PAX1: variants seen among roughly 807,000 people sequenced by gnomAD.
PAX1 encodes the protein paired box 1.
PAX1 carries 18 observed loss-of-function variants against 35.6 expected under a neutral mutation model. The observed-to-expected ratio is 0.50, with a 90% CI of 0.35 to 0.75. The LOEUF (loss-of-function observed/expected upper bound fraction) is 0.75. Ranked by LOEUF, PAX1 falls within the 30% of genes least tolerant of loss-of-function variation. The pLI is 0.01. For missense variants in PAX1, 760 were observed against 661.5 expected, an observed-to-expected ratio of 1.15 and a Z score of -1.63; for synonymous variants, 397 against 305.2, an observed-to-expected ratio of 1.30 and a Z score of -3.14.
intron 4 of PAX1, among the ~76,000 whole-genome samples, chr20:21,712,246 T>C (rs17861043): frequency 0.047 from 7,160 of 152,340 alleles, 346 homozygotes; most frequent in East Asian, 0.28. Context: ...TTGTGTTATT[T>C]AATACTATAA....
In PAX1 at chr20:21,706,011, C is replaced by G; in HGVS notation, c.286+13C>G. On this transcript the variant is annotated intron_variant, in intron 1 of 4. Coordinates refer to ENST00000613128, the MANE Select transcript of PAX1 (RefSeq NM_001257096.2). This position sits in a 1 kb window ranked among gnomAD's most constrained non-coding sequence, Gnocchi z 5.3. ...CCGCTCGCTATGGGTAAGGGGCGGG[C>G]GACAGGCAGGGCTCGGGAGGGCTGA... 5 of 1,464,754 alleles carry G rather than the reference C, an allele frequency of 3.4e-6. No homozygotes were observed. The highest frequency in any genetic ancestry group is 3.6e-6 in the Non-Finnish European group (4 of 1,116,948). The allele number at this position is 1,464,754 out of a possible 1,614,324, so 90.7% of individuals were successfully genotyped here.
In PAX1 at chr20:21,706,414, C is replaced by T. The variant is rs139161155; in HGVS notation, c.287-24C>T. The T allele has an allele frequency of 4.4e-5, 71 of 1,610,526 alleles. 1 individual carries two copies. In the East Asian group the frequency reaches 1.5e-3, roughly 35 times the overall value. The stretch of plus-strand genomic sequence containing the variant: ...CCGGGTGTTTTCTCCCCCTCCGGCT[C>T]ACTCTTGTCTGGCGCATCCGCAGAG... On this transcript the variant is annotated intron_variant, in intron 1 of 4. Transcript: ENST00000613128. This position sits in a 1 kb window ranked among gnomAD's most constrained non-coding sequence, Gnocchi z 5.3.
chr20:21,716,506 C>CTTTTTTTTTTTTTTT lies in PAX1; in HGVS notation c.*1949_*1963dup, dbSNP rs72279045. On this transcript the variant is annotated 3_prime_UTR_variant, in exon 5 of 5. Transcript: ENST00000613128. ...TCTTCTCAGATTCAAAGTCTCTTGT[C>CTTTTTTTTTTTTTTT]TTTTTTTTTTTTTTTTTTTAAAGTT... 1 of 120,026 alleles carries CTTTTTTTTTTTTTTT rather than the reference C, an allele frequency of 8.3e-6. No homozygotes were observed. The highest frequency in any genetic ancestry group is 1.8e-5 in the Non-Finnish European group (1 of 54,142). 7.4% of individuals were successfully genotyped at this position (120,026 alleles called of 1,614,324 possible).
chr20:21,710,096 TG>T (rs1261650256), intron 4 of PAX1, among the ~76,000 whole-genome samples: 3 of 4,976 alleles, frequency 6.0e-4, no homozygotes, highest in East Asian at 0.015. Flanking sequence ...GGTGGGCGGG[TG>T]GGGGGGTTCT....
Position 21,706,864 on chromosome 20 carries a change from AGCAGCCGCCGTC to A in PAX1, c.720_731del (p.Pro241_Pro244del). 1 of 1,613,300 alleles carries A rather than the reference AGCAGCCGCCGTC, an allele frequency of 6.2e-7. No individual in the cohort carries two copies. The highest frequency in any genetic ancestry group is 2.2e-5 in the East Asian group (1 of 44,870). ...CAGCCCGGACCGTACGAGGCAAGTA[AGCAGCCGCCGTC>A]GCAGCCTACGCTGCCCTACAACCAC... On this transcript the variant is annotated inframe_deletion, in exon 2 of 5. Coordinates refer to ENST00000613128, the MANE Select transcript of PAX1 (RefSeq NM_001257096.2). This position sits in a 1 kb window ranked among gnomAD's most constrained non-coding sequence, Gnocchi z 5.3.
At chr20:21,713,381 T>TG (rs745673697) in intron 4 of PAX1, among the ~76,000 whole-genome samples, 6,898 of 148,430 alleles carry the variant, frequency 0.046, 192 homozygotes, top group Admixed American at 0.089. Context: ...TTCTTTTTTT[T>TG]TTGTGTGTGT....
intron 3 of PAX1, 44 bp from the exon 4 acceptor site, chr20:21,709,178 A>C: frequency 7.0e-7 from 1 of 1,437,300 alleles, no homozygotes; most frequent in South Asian, 1.1e-5. Context: ...GGGCTAGAGA[A>C]GGCAGGATTT....
At chr20:21,712,326 T>C (rs567087900) in intron 4 of PAX1, among the ~76,000 whole-genome samples, 1 of 152,334 alleles carries the variant, frequency 6.6e-6, no homozygotes, top group African/African-American at 2.4e-5. Flanking sequence ...AAAAGCATGA[T>C]TTACATTTCC....
Position 21,716,141 on chromosome 20 carries a change from A to T in PAX1, c.*1579A>T, listed in dbSNP as rs1600330945. The T allele has an allele frequency of 6.6e-6, 1 of 152,220 alleles. No individual in the cohort carries two copies. The highest frequency in any genetic ancestry group is 6.5e-5 in the Admixed American group (1 of 15,288). 9.4% of individuals were successfully genotyped at this position (152,220 alleles called of 1,614,324 possible). A position where few individuals can be genotyped will look rare whatever the true frequency, so the allele number is the denominator to read the frequency against. ...ATTCTGAAAAGAGTAAAATGGGCAAAAGGCAATGAGCCAGAATGGAGGATT... is the reference window on the plus strand; with the variant it reads ...ATTCTGAAAAGAGTAAAATGGGCAATAGGCAATGAGCCAGAATGGAGGATT... On this transcript the variant is annotated 3_prime_UTR_variant, in exon 5 of 5. Coordinates refer to ENST00000613128, the MANE Select transcript of PAX1 (RefSeq NM_001257096.2).
Position 21,706,118 on chromosome 20 carries a change from G to A in PAX1, c.286+120G>A, listed in dbSNP as rs1194406633. ...CCCAGTCCTGGGTCCTGGAGAAGCT[G>A]CATTCTCCTCTGATCCCCAGCCTTC... On this transcript the variant is annotated intron_variant, in intron 1 of 4. Coordinates refer to ENST00000613128, the MANE Select transcript of PAX1 (RefSeq NM_001257096.2). This position sits in a 1 kb window ranked among gnomAD's most constrained non-coding sequence, Gnocchi z 5.3. 1 of 880,772 alleles carries A rather than the reference G, an allele frequency of 1.1e-6. No homozygotes were observed. The highest frequency in any genetic ancestry group is 1.8e-6 in the Non-Finnish European group (1 of 564,212). 54.6% of individuals were successfully genotyped at this position (880,772 alleles called of 1,614,324 possible).
intron 4 of PAX1, among the ~76,000 whole-genome samples, chr20:21,711,024 C>G (rs565120614): frequency 1.3e-5 from 2 of 152,290 alleles, no homozygotes; most frequent in South Asian, 2.1e-4. Context: ...CGCAGATGAG[C>G]GCTTCACTCA....
Position 21,706,329 on chromosome 20 carries a change from C to A in PAX1, c.287-109C>A, listed in dbSNP as rs943962863. Reference sequence around the variant, plus strand: ...GAGCTGTCTGGGGACCCACAGGTCACCTTTGGAAGTGCGCCTGGGTGCAGT... The same window carrying A: ...GAGCTGTCTGGGGACCCACAGGTCAACTTTGGAAGTGCGCCTGGGTGCAGT... On this transcript the variant is annotated intron_variant, in intron 1 of 4. Transcript: ENST00000613128. This position sits in a 1 kb window ranked among gnomAD's most constrained non-coding sequence, Gnocchi z 5.3. The A allele has an allele frequency of 1.4e-6, 2 of 1,445,856 alleles. No homozygotes were observed. Among genetic ancestry groups the A allele is most frequent in the Non-Finnish European group, 1.9e-6 (2 of 1,040,972 alleles). 89.6% of individuals were successfully genotyped at this position (1,445,856 alleles called of 1,614,324 possible).
At position 21,708,648 on chromosome 20, in the gene PAX1, C is replaced by A. The variant is rs1300097376; in HGVS notation, c.1007C>A (p.Ala336Glu). Reference protein sequence around the residue: ...VNRTAFPATPAVNGLEKPALE... With the variant: ...VNRTAFPATPEVNGLEKPALE... The stretch of plus-strand genomic sequence containing the variant: ...CGCACGGCCTTCCCCGCCACCCCCG[C>A]AGTGAATGGGCTAGAGAAACCTGCC... Residue 336 changes from alanine (A) to glutamate (E), a missense_variant, in exon 3 of 5, where the codon GCA becomes GAA. Ala to Glu is a moderately radical substitution (Grantham distance 107). Coordinates refer to ENST00000613128, the MANE Select transcript of PAX1 (RefSeq NM_001257096.2). 1 of 1,613,634 alleles carries A rather than the reference C, an allele frequency of 6.2e-7. No homozygotes were observed. Among genetic ancestry groups the A allele is most frequent in the Non-Finnish European group, 8.5e-7 (1 of 1,180,010 alleles).
Position 21,711,215 on chromosome 20 carries a change from A to G in PAX1, c.1282+1771A>G, listed in dbSNP as rs543248875. ...TTCATCTTAAGGAGAAGGAAGACTTAGAAAAAAGACCCACAGTCTTCAGAG... is the reference window on the plus strand; with the variant it reads ...TTCATCTTAAGGAGAAGGAAGACTTGGAAAAAAGACCCACAGTCTTCAGAG... On this transcript the variant is annotated intron_variant, in intron 4 of 4. Coordinates refer to ENST00000613128, the MANE Select transcript of PAX1 (RefSeq NM_001257096.2). Among the ~76,000 whole-genome samples, 10 of 152,378 alleles carry G rather than the reference A, an allele frequency of 6.6e-5. No homozygotes were observed. The South Asian group carries it at 1.7e-3, about 25-fold the overall frequency.
Position 21,715,032 on chromosome 20 carries a change from C to G in PAX1, c.*470C>G. The G allele has an allele frequency of 1.6e-6, 1 of 617,074 alleles. No individual in the cohort carries two copies. The highest frequency in any genetic ancestry group is 1.9e-5 in the South Asian group (1 of 51,404). 38.2% of individuals were successfully genotyped at this position (617,074 alleles called of 1,614,324 possible). A position where few individuals can be genotyped will look rare whatever the true frequency, so the allele number is the denominator to read the frequency against. ...CCAGGGCTCCCTCTGCCCTTCCACT[C>G]TCTTTTCCTTGCTCCGACCTCTGCT... On this transcript the variant is annotated 3_prime_UTR_variant, in exon 5 of 5. Coordinates refer to ENST00000613128, the MANE Select transcript of PAX1 (RefSeq NM_001257096.2).
rs1288338972 is a variant in PAX1 at position 21,705,981 on chromosome 20, C to T, written c.269C>T (p.Ala90Val). 5 of 1,483,668 alleles carry T rather than the reference C, an allele frequency of 3.4e-6. No homozygotes were observed. In the South Asian group the frequency reaches 4.0e-5, roughly 12 times the overall value. 91.9% of individuals were successfully genotyped at this position (1,483,668 alleles called of 1,614,324 possible). ...GGCCACCCCGGCGCCAGGCAGCTGG[C>T]CGGCCCGCTCGCTATGGGTAAGGGG... ...HPGHPGARQL[A>V]GPLAMEQTYG... Residue 90 changes from alanine to valine, a missense_variant, in exon 1 of 5, where the codon GCC (alanine) becomes GTC (valine). Transcript: ENST00000613128.
chr20:21,710,652 A>G (rs963918821), intron 4 of PAX1, among the ~76,000 whole-genome samples: 1 of 118,994 alleles, frequency 8.4e-6, no homozygotes, highest in East Asian at 2.9e-4. Context: ...GCTATTTCCA[A>G]GTAGTCTTGA....
At position 21,706,849 on chromosome 20, in the gene PAX1, C is replaced by A. The variant is rs1254928678; in HGVS notation, c.698C>A (p.Pro233Gln). 2 of 1,613,372 alleles carry A rather than the reference C, an allele frequency of 1.2e-6. No individual in the cohort carries two copies. Among genetic ancestry groups the A allele is most frequent in the Non-Finnish European group, 1.7e-6 (2 of 1,180,018 alleles). Residue 233 changes from proline (P) to glutamine (Q), a missense_variant, in exon 2 of 5, where the codon CCG becomes CAG. Pro to Gln is a moderately conservative substitution (Grantham distance 76). Around this residue, in one of 3 missense-constraint regions of PAX1, gnomAD observed 490 missense variants for 428.4 expected, o/e 1.14. Transcript: ENST00000613128. The surrounding 1 kb of genome is among the most constrained non-coding windows in gnomAD (Gnocchi z 5.3). Reference sequence around the variant, plus strand: ...ATCGGCAGCCTGGCGCAGCCCGGACCGTACGAGGCAAGTAAGCAGCCGCCG... The same window carrying A: ...ATCGGCAGCCTGGCGCAGCCCGGACAGTACGAGGCAAGTAAGCAGCCGCCG... Reference protein sequence around the residue: ...NKIGSLAQPGPYEASKQPPSQ... With the variant: ...NKIGSLAQPGQYEASKQPPSQ...
At position 21,707,000 on chromosome 20, in the gene PAX1, G is replaced by A. The variant is rs759106354; in HGVS notation, c.849G>A (p.Pro283=). 1 of 1,612,892 alleles carries A rather than the reference G, an allele frequency of 6.2e-7. No individual in the cohort carries two copies. The highest frequency in any genetic ancestry group is 1.1e-5 in the South Asian group (1 of 91,094). ...GCACGGCGGGCCACGTCAGCATCCC[G>A]CGCTCATGGCCCTCGGCACACTCGG... ...VPGTAGHVSI[P]RSWPSAHSVS... Residue 283 remains proline (P), a synonymous_variant, in exon 2 of 5, where the codon CCG becomes CCA. Transcript: ENST00000613128. The surrounding 1 kb of genome is among the most constrained non-coding windows in gnomAD (Gnocchi z 5.3).
Sources: gnomAD v4.1 joint callset for allele counts (sites outside exome capture counted in the v4.1 genomes callset) on GRCh38, gnomAD v4.1.1 for gene constraint, gnomAD v4.1.1 regional missense constraint, Gnocchi (gnomAD v3.1) non-coding constraint, MANE v1.5 for transcripts, NCBI Gene and HGNC (gene_info 2026-07-23, HGNC 2026-07-21) for gene names.